The following ZNF18 variants were observed in gnomAD, a reference collection of about 807,000 sequenced individuals.
ZNF18 encodes heart development-specific gene 1 protein.
A neutral mutation model predicts 58.1 loss-of-function variants in ZNF18; 42 were observed. The observed-to-expected ratio is 0.72, with a 90% CI of 0.56 to 0.93. The LOEUF is 0.93. ZNF18 is among the 40% of genes least tolerant of loss of function. The pLI is 0.00. For missense variants in ZNF18, 540 were observed against 644.2 expected (o/e 0.84, Z 1.75); for synonymous variants, 231 against 239.8 (o/e 0.96, Z 0.34).
At chr17:11,983,205 C>A in intron 6 of ZNF18, 92 bp downstream of exon 6, 1 of 878,142 alleles carries the variant, frequency 1.1e-6, no homozygotes, top group Non-Finnish European at 1.9e-6. Flanking sequence ...GAATATTCTG[C>A]CTCCCCTGAC....
At chr17:12,004,351 C>G in the ZNF18 span, among the ~76,000 whole-genome samples, 1 of 152,096 alleles carries the variant, frequency 6.6e-6, no homozygotes, top group African/African-American at 2.4e-5. Context: ...TTTAACTAAA[C>G]TAACCCTAGC....
the ZNF18 span, among the ~76,000 whole-genome samples, chr17:12,006,029 T>C: frequency 5.9e-5 from 9 of 152,160 alleles, no homozygotes; most frequent in Admixed American, 3.9e-4. Flanking sequence ...CACATTATTT[T>C]GACTTCTTTC....
intron 1 of ZNF18, among the ~76,000 whole-genome samples, chr17:11,993,825 C>CAAAAAAAAAAAAAAA (rs386385680): frequency 1.4e-5 from 1 of 71,246 alleles, no homozygotes; most frequent in Non-Finnish European, 2.4e-5. Flanking sequence ...CTCCGTCTCA[C>CAAAAAAAAAAAAAAA]AAAAAAAAAA....
chr17:12,013,087 G>T, the ZNF18 span, among the ~76,000 whole-genome samples: 1 of 152,070 alleles, frequency 6.6e-6, no homozygotes, highest in Non-Finnish European at 1.5e-5. Flanking sequence ...AAGTAGCTGG[G>T]ACTACAGGCA....
chr17:12,004,887 CAAAA>C, the ZNF18 span, among the ~76,000 whole-genome samples: 1 of 56,206 alleles, frequency 1.8e-5, no homozygotes. Context: ...AACTCCATCT[CAAAA>C]AAAAAAAAAA....
At chr17:12,010,998 C>T in the ZNF18 span, 12 of 740,224 alleles carry the variant, frequency 1.6e-5, no homozygotes, top group South Asian at 1.6e-4. Context: ...TGTTTGTTTA[C>T]AACAAATGCC....
intron 4 of ZNF18, among the ~76,000 whole-genome samples, chr17:11,990,078 GA>G (rs1968006302): frequency 6.6e-6 from 1 of 152,022 alleles, no homozygotes; most frequent in South Asian, 2.1e-4. Context: ...AAATGCTTTA[GA>G]AATAATGGCC....
At chr17:11,980,446 A>T (rs1967264848) in intron 6 of ZNF18, among the ~76,000 whole-genome samples, 1 of 151,822 alleles carries the variant, frequency 6.6e-6, no homozygotes, top group African/African-American at 2.4e-5. Flanking sequence ...TTTGAGATGG[A>T]GTTTTGCTCT....
chr17:12,004,628 C>T, the ZNF18 span, among the ~76,000 whole-genome samples: 5 of 152,118 alleles, frequency 3.3e-5, no homozygotes, highest in Non-Finnish European at 7.4e-5. Context: ...TGGCTGAAGC[C>T]TGTAATCCCA....
At chr17:11,983,724 A>G (rs1967533679) in intron 5 of ZNF18, among the ~76,000 whole-genome samples, 2 of 152,104 alleles carry the variant, frequency 1.3e-5, no homozygotes, top group Admixed American at 1.3e-4. Context: ...TTTAGTAGAA[A>G]AGAGCATGGA....
At chr17:11,991,186 T>C (rs1968101074) in intron 2 of ZNF18, 23 bp from the exon 3 acceptor site, 6 of 1,592,556 alleles carry the variant, frequency 3.8e-6, no homozygotes, top group Non-Finnish European at 5.2e-6. Context: ...TATTAATTAG[T>C]AATTACTGAA....
At chr17:11,987,467 G>A (rs1460107988) in intron 4 of ZNF18, among the ~76,000 whole-genome samples, 3 of 152,182 alleles carry the variant, frequency 2.0e-5, no homozygotes, top group African/African-American at 7.2e-5. Flanking sequence ...AATAATTGCT[G>A]TTAGTTTGGA....
the ZNF18 span, among the ~76,000 whole-genome samples, chr17:12,005,394 G>A: frequency 2.0e-5 from 3 of 152,040 alleles, no homozygotes; most frequent in African/African-American, 7.3e-5. Flanking sequence ...AAGCCCATCG[G>A]TAAAAATTAT....
chr17:11,996,857 AT>A (rs1160147013), intron 1 of ZNF18: 1 of 152,224 alleles, frequency 6.6e-6, no homozygotes, highest in African/African-American at 2.4e-5. Context: ...TGGCAGCCAG[AT>A]TAACCCAGGA....
At chr17:11,994,785 G>A (rs1968357001) in intron 1 of ZNF18, among the ~76,000 whole-genome samples, 1 of 152,094 alleles carries the variant, frequency 6.6e-6, no homozygotes, top group Non-Finnish European at 1.5e-5. Flanking sequence ...AGCTTGCAGT[G>A]AGCTGAGATC....
chr17:12,019,632 C>T, the ZNF18 span, among the ~76,000 whole-genome samples: 1 of 152,078 alleles, frequency 6.6e-6, no homozygotes, highest in African/African-American at 2.4e-5. Flanking sequence ...TTTAATGCCT[C>T]TCCACTTGAT....
At chr17:12,020,850 A>G in the ZNF18 span, 5 of 985,078 alleles carry the variant, frequency 5.1e-6, no homozygotes, top group Non-Finnish European at 6.5e-6. Flanking sequence ...GCTGCATTGC[A>G]GCCGCCGCGG....
intron 6 of ZNF18, 91 bp from the exon 7 acceptor site, chr17:11,978,835 A>ATTTT (rs1597942855): frequency 2.4e-4 from 53 of 217,504 alleles, no homozygotes; most frequent in African/African-American, 8.1e-4. Context: ...TAAAACATTC[A>ATTTT]TTTTCTTTTT....
chr17:12,009,235 A>T, the ZNF18 span: 1 of 152,004 alleles, frequency 6.6e-6, no homozygotes, highest in African/African-American at 2.4e-5. Flanking sequence ...GTTGGTGTAG[A>T]CAATTTTTTT....
Sources: allele counts gnomAD v4.1 joint callset (sites outside exome capture counted in the v4.1 genomes callset), GRCh38; gene constraint gnomAD v4.1.1; transcripts MANE v1.5; gene names NCBI Gene and HGNC (gene_info 2026-07-23, HGNC 2026-07-21).